The following BPI variants were observed in gnomAD, a reference collection of about 807,000 sequenced individuals.
BPI encodes bactericidal permeability-increasing protein.
In BPI, 48 loss-of-function variants were observed where a neutral mutation model predicts 57.6. That is an observed-to-expected ratio of 0.83 (90% confidence interval 0.66 to 1.06). The LOEUF is 1.06. BPI is among the 50% of genes least tolerant of loss of function. The probability of loss-of-function intolerance (pLI) is 0.00; values close to 1 mark genes in which losing one functional copy is unlikely to be tolerated. For synonymous variants in BPI, 237 were observed against 238.2 expected (o/e 0.99, Z 0.05); for missense variants, 651 against 609.7 (o/e 1.07, Z -0.71).
At chr20:38,319,897 T>C (rs1232786007) in intron 6 of BPI, 1 of 405,070 alleles carries the variant, frequency 2.5e-6, no homozygotes, top group East Asian at 4.4e-5. Context: ...TCCAAGGTCA[T>C]CCAGAGTTTG....
chr20:38,304,454 G>A, intron 1 of BPI, 101 bp downstream of exon 1: 1 of 1,452,232 alleles, frequency 6.9e-7, no homozygotes, highest in Non-Finnish European at 9.2e-7. Flanking sequence ...CACACTCATA[G>A]CACCTCAGGG....
At chr20:38,331,225 C>G (rs1299962646) in intron 12 of BPI, 135 bp downstream of exon 12, 1 of 1,110,308 alleles carries the variant, frequency 9.0e-7, no homozygotes, top group African/African-American at 1.6e-5. Flanking sequence ...ATTAATAGTT[C>G]AAGGAGCTTC....
At chr20:38,334,334 G>A (rs1325975184) in intron 12 of BPI, 96 bp from the exon 13 acceptor site, 20 of 1,227,532 alleles carry the variant, frequency 1.6e-5, no homozygotes, top group East Asian at 2.3e-5. Context: ...AGCGCTAGGG[G>A]AAAGGAGGGT....
At chr20:38,320,133 A>G (rs1270145830) in intron 6 of BPI, 50 bp from the exon 7 acceptor site, 2 of 1,462,766 alleles carry the variant, frequency 1.4e-6, no homozygotes, top group South Asian at 1.1e-5. Context: ...TTCAGCTTCC[A>G]GCGATGCTGC....
intron 11 of BPI, 148 bp from the exon 12 acceptor site, chr20:38,330,900 C>A (rs1012380837): frequency 8.2e-6 from 7 of 852,504 alleles, no homozygotes; most frequent in Non-Finnish European, 1.3e-5. Flanking sequence ...AAGGCAACAT[C>A]GGGGGGCTGT....
At chr20:38,322,735 G>A (rs751772034) in intron 7 of BPI, among the ~76,000 whole-genome samples, 19 of 152,016 alleles carry the variant, frequency 1.2e-4, no homozygotes, top group Non-Finnish European at 2.4e-4. Context: ...TTCAGCCTCC[G>A]GTCACTGGGA....
chr20:38,315,258 T>G (rs7273966), intron 5 of BPI, among the ~76,000 whole-genome samples: 85,354 of 151,940 alleles, frequency 0.56, 24,514 homozygotes, highest in African/African-American at 0.64. Context: ...GATGAGCCTC[T>G]CTCTTAACCA....
chr20:38,310,792 CA>C, intron 4 of BPI, 140 bp downstream of exon 4: 4 of 1,053,468 alleles, frequency 3.8e-6, no homozygotes, highest in Non-Finnish European at 5.4e-6. Context: ...GTATGGGGGC[CA>C]GGGGCCCACA....
chr20:38,337,008 A>C, intron 14 of BPI, 138 bp from the exon 15 acceptor site: 1 of 734,326 alleles, frequency 1.4e-6, no homozygotes, highest in South Asian at 1.7e-5. Flanking sequence ...CGAAACACTG[A>C]GTGACCCCCA....
At position 38,326,346 on chromosome 20, in the gene BPI, G is replaced by A. The variant is rs150094771; in HGVS notation, c.1075G>A (p.Gly359Ser). ...TPPHLSVQPTGLTFYPAVDVQ... is the reference protein window; with the variant it reads ...TPPHLSVQPTSLTFYPAVDVQ... ...GCCACACCTGTCTGTGCAGCCCACC[G>A]GCCTTACCTTCTACCCTGCCGTGGA... is the stretch of plus-strand genomic sequence containing the variant. Residue 359 changes from glycine (G) to serine (S), a missense_variant, in exon 10 of 15, where the codon GGC (glycine) becomes AGC (serine). Coordinates refer to ENST00000642449, the MANE Select transcript of BPI (RefSeq NM_001725.3). The A allele has an allele frequency of 6.3e-5, 102 of 1,614,108 alleles. No individual in the cohort carries two copies. Among genetic ancestry groups the A allele is most frequent in the Non-Finnish European group, 7.4e-5 (87 of 1,180,000 alleles).
intron 12 of BPI, among the ~76,000 whole-genome samples, chr20:38,333,661 AC>A (rs2076753125): frequency 6.6e-6 from 1 of 151,114 alleles, no homozygotes; most frequent in African/African-American, 2.4e-5. Context: ...GTTGTTACTT[AC>A]ATTTCTACAA....
intron 5 of BPI, among the ~76,000 whole-genome samples, chr20:38,316,144 T>A (rs2076651102): frequency 6.6e-6 from 1 of 152,040 alleles, no homozygotes; most frequent in Non-Finnish European, 1.5e-5. Flanking sequence ...CTTCCTTTCT[T>A]TTCTCCCTTT....
intron 7 of BPI, among the ~76,000 whole-genome samples, chr20:38,322,706 G>A (rs181267597): frequency 2.1e-3 from 315 of 152,300 alleles, no homozygotes; most frequent in Middle Eastern, 3.4e-3. Flanking sequence ...TGCCTCCCAG[G>A]TTCAGGCGAT....
Position 38,307,559 on chromosome 20 carries a change from C to G in BPI, c.131-8C>G. Reference sequence around the variant, plus strand: ...CCTCTCACTGTCACCCCTGCCTTCTCCCTTCAGCCAGCCAGCAGGGGACGG... The same window carrying G: ...CCTCTCACTGTCACCCCTGCCTTCTGCCTTCAGCCAGCCAGCAGGGGACGG... On this transcript the variant is annotated splice_region_variant and splice_polypyrimidine_tract_variant and intron_variant, in intron 1 of 14. Coordinates refer to ENST00000642449, the MANE Select transcript of BPI (RefSeq NM_001725.3). 2.5e-6 allele frequency: 4 copies of G among 1,597,558 alleles called. No individual in the cohort carries two copies. Among genetic ancestry groups the G allele is most frequent in the African/African-American group, 1.4e-5 (1 of 73,978 alleles).
At chr20:38,316,361 T>C (rs1053224525) in intron 5 of BPI, among the ~76,000 whole-genome samples, 1 of 152,020 alleles carries the variant, frequency 6.6e-6, no homozygotes, top group Non-Finnish European at 1.5e-5. Context: ...AAGAGTTTGG[T>C]TTGGGATGTG....
chr20:38,313,448 G>T (rs1440243008), intron 5 of BPI, among the ~76,000 whole-genome samples: 1 of 149,528 alleles, frequency 6.7e-6, no homozygotes, highest in African/African-American at 2.5e-5. Context: ...CTTCACCAAG[G>T]CACTGTAAGG....
rs1330894942 is a variant in BPI at position 38,310,533 on chromosome 20, C to A, written c.417C>A (p.Ser139=). 1 of 1,614,158 alleles carries A rather than the reference C, an allele frequency of 6.2e-7. No individual in the cohort carries two copies. The highest frequency in any genetic ancestry group is 8.5e-7 in the Non-Finnish European group (1 of 1,180,016). ...TTGACCTGAGCATAGAAGGCATGTCCATTTCGGCTGATCTGAAGCTGGGCA... is the reference window on the plus strand; with the variant it reads ...TTGACCTGAGCATAGAAGGCATGTCAATTTCGGCTGATCTGAAGCTGGGCA... ...GNFDLSIEGM[S]ISADLKLGSN... The change falls in exon 4 of 15, where the codon TCC becomes TCA. Residue 139 remains serine, a synonymous_variant. Transcript: ENST00000642449.
chr20:38,327,566 C>T (rs1476025192), intron 10 of BPI, 22 bp from the exon 11 acceptor site: 10 of 1,611,998 alleles, frequency 6.2e-6, no homozygotes, highest in Non-Finnish European at 6.8e-6. Context: ...GGGCACTTCA[C>T]CCTGGGTTGT....
chr20:38,328,758 A>AGG (rs916606624), intron 11 of BPI, among the ~76,000 whole-genome samples: 9 of 152,028 alleles, frequency 5.9e-5, no homozygotes, highest in African/African-American at 2.2e-4. Context: ...GCACCTTGGG[A>AGG]GGCCATGGTG....
Sources: allele counts gnomAD v4.1 joint callset (sites outside exome capture counted in the v4.1 genomes callset), GRCh38; gene constraint gnomAD v4.1.1; transcripts MANE v1.5; gene names NCBI Gene and HGNC (gene_info 2026-07-23, HGNC 2026-07-21).